CTDSPL: variants seen among roughly 807,000 people sequenced by gnomAD.
CTDSPL encodes CTD small phosphatase like.
Under a neutral mutation model 30.5 loss-of-function variants are expected in CTDSPL, and 8 were observed. That is an observed-to-expected ratio of 0.26 (90% CI 0.15 to 0.47). The LOEUF is 0.47. Among genes scored for constraint, CTDSPL ranks in the 20% least tolerant of loss-of-function variants. The probability of loss-of-function intolerance (pLI) is 0.99; values close to 1 mark genes in which losing one functional copy is unlikely to be tolerated. For synonymous variants in CTDSPL, 110 were observed against 137.9 expected (o/e 0.80, Z 1.42); for missense variants, 248 against 366.1 (o/e 0.68, Z 2.63).
intron 1 of CTDSPL, among the ~76,000 whole-genome samples, chr3:37,923,103 TA>T: frequency 6.6e-6 from 1 of 152,322 alleles, no homozygotes; most frequent in Middle Eastern, 3.4e-3. Context: ...AAGATCGTTC[TA>T]GGGGAGGAGA....
intron 2 of CTDSPL, among the ~76,000 whole-genome samples, chr3:37,949,840 G>C (rs1699087622): frequency 6.6e-6 from 1 of 152,234 alleles, no homozygotes; most frequent in Non-Finnish European, 1.5e-5. Flanking sequence ...AGCCTGGAAA[G>C]TGCATTAAGG....
At chr3:37,933,555 A>G (rs1242510367) in intron 1 of CTDSPL, among the ~76,000 whole-genome samples, 1 of 152,236 alleles carries the variant, frequency 6.6e-6, no homozygotes, top group African/African-American at 2.4e-5. Flanking sequence ...TCAGTAGGCA[A>G]TATAGTGCAG....
At chr3:37,946,909 A>G in intron 1 of CTDSPL, 148 bp from the exon 2 acceptor site, 1 of 726,362 alleles carries the variant, frequency 1.4e-6, no homozygotes, top group Non-Finnish European at 2.1e-6. Flanking sequence ...AGTAACTTCC[A>G]GGAGCCCCTC....
At chr3:37,888,411 G>C (rs1030813472) in intron 1 of CTDSPL, among the ~76,000 whole-genome samples, 1 of 152,108 alleles carries the variant, frequency 6.6e-6, no homozygotes, top group East Asian at 1.9e-4. Flanking sequence ...CCTGTATCAC[G>C]TTGCCAAGTT....
intron 1 of CTDSPL, among the ~76,000 whole-genome samples, chr3:37,879,697 C>G (rs2125591653): frequency 6.6e-6 from 1 of 152,266 alleles, no homozygotes; most frequent in Admixed American, 6.5e-5. Flanking sequence ...AGTGCTTGTG[C>G]AGGATGCAGC....
intron 1 of CTDSPL, among the ~76,000 whole-genome samples, chr3:37,896,596 G>A (rs1698393084): frequency 6.6e-6 from 1 of 151,944 alleles, no homozygotes; most frequent in African/African-American, 2.4e-5. Context: ...GAGTGCAGTG[G>A]TGTGATCACA....
At chr3:37,890,143 G>A (rs942682960) in intron 1 of CTDSPL, among the ~76,000 whole-genome samples, 2 of 152,184 alleles carry the variant, frequency 1.3e-5, no homozygotes, top group South Asian at 2.1e-4. Flanking sequence ...TGATATAACC[G>A]ACCATTTGGA....
intron 1 of CTDSPL, among the ~76,000 whole-genome samples, chr3:37,867,843 G>A (rs972400586): frequency 1.3e-5 from 2 of 152,144 alleles, no homozygotes; most frequent in African/African-American, 4.8e-5. Context: ...GTTTTTGCAT[G>A]AATTCATTTT....
chr3:37,975,642 T>C lies in CTDSPL; in HGVS notation c.520-67T>C. 1 of 1,373,416 alleles carries C rather than the reference T, an allele frequency of 7.3e-7. No homozygotes were observed. The highest frequency in any genetic ancestry group is 1.0e-6 in the Non-Finnish European group (1 of 1,003,888). 85.1% of individuals were successfully genotyped at this position (1,373,416 alleles called of 1,614,324 possible). On this transcript the variant is annotated intron_variant, in intron 6 of 7. Coordinates refer to ENST00000273179, the MANE Select transcript of CTDSPL (RefSeq NM_001008392.2). This position sits in a 1 kb window ranked among gnomAD's most constrained non-coding sequence, Gnocchi z 4.9. Reference sequence around the variant, plus strand: ...TTAAAAAACGTAATCTGGATCTTGCTGCTGTAGTTCAGGGTTTGGGGGGCT... The same window carrying C: ...TTAAAAAACGTAATCTGGATCTTGCCGCTGTAGTTCAGGGTTTGGGGGGCT...
In CTDSPL at chr3:37,975,706, C is replaced by A; in HGVS notation, c.520-3C>A. ...AGCCTTCATTGTGACACGTCTTTTC[C>A]AGTATGCAGACCCTGTGGCTGACCT... On this transcript the variant is annotated splice_polypyrimidine_tract_variant and splice_region_variant and intron_variant, in intron 6 of 7. Coordinates refer to ENST00000273179, the MANE Select transcript of CTDSPL (RefSeq NM_001008392.2). The surrounding 1 kb of genome is among the most constrained non-coding windows in gnomAD (Gnocchi z 4.9). 6.3e-7 allele frequency: 1 copy of A among 1,599,704 alleles called. No individual in the cohort carries two copies. Among genetic ancestry groups the A allele is most frequent in the Non-Finnish European group, 8.5e-7 (1 of 1,170,152 alleles).
chr3:37,910,484 AAC>A (rs1698570480), intron 1 of CTDSPL, among the ~76,000 whole-genome samples: 1 of 152,138 alleles, frequency 6.6e-6, no homozygotes, highest in Admixed American at 6.5e-5. Context: ...TCTATCTCAG[AAC>A]AACAACAACA....
chr3:37,931,839 C>A (rs1416488816), intron 1 of CTDSPL, among the ~76,000 whole-genome samples: 2 of 151,316 alleles, frequency 1.3e-5, no homozygotes, highest in African/African-American at 4.9e-5. Context: ...TATTTAACTG[C>A]TTTAAAAAAG....
At position 37,944,206 on chromosome 3, in the gene CTDSPL, A is replaced by G. The variant is rs1699010620; in HGVS notation, c.80-2851A>G. On this transcript the variant is annotated intron_variant, in intron 1 of 7. Coordinates refer to ENST00000273179, the MANE Select transcript of CTDSPL (RefSeq NM_001008392.2). Reference sequence around the variant, plus strand: ...AGAAAACATTTGGAAAATGTGGAAGAAATGTAAACACTTATGGTCTGACAA... The same window carrying G: ...AGAAAACATTTGGAAAATGTGGAAGGAATGTAAACACTTATGGTCTGACAA... Among the ~76,000 whole-genome samples, 3 of 150,442 alleles carry G rather than the reference A, an allele frequency of 2.0e-5. 1 individual carries two copies. Among genetic ancestry groups the G allele is most frequent in the Admixed American group, 1.3e-4 (2 of 14,990 alleles).
At chr3:37,930,466 A>G (rs1698840022) in intron 1 of CTDSPL, among the ~76,000 whole-genome samples, 1 of 151,876 alleles carries the variant, frequency 6.6e-6, no homozygotes, top group Non-Finnish European at 1.5e-5. Flanking sequence ...TATGATTATT[A>G]TTACTACTAC....
chr3:37,946,202 G>A (rs1699035292), intron 1 of CTDSPL, among the ~76,000 whole-genome samples: 1 of 152,232 alleles, frequency 6.6e-6, no homozygotes, highest in Non-Finnish European at 1.5e-5. Context: ...CTCCCCTGAG[G>A]GGTGTTTTTC....
Position 37,863,580 on chromosome 3 carries a change from C to T in CTDSPL, c.79+1302C>T, listed in dbSNP as rs1697971441. On this transcript the variant is annotated intron_variant, in intron 1 of 7. Coordinates refer to ENST00000273179, the MANE Select transcript of CTDSPL (RefSeq NM_001008392.2). ...TGAGGTCAGGTGCAGCCCACCAGGACCCCTGACCCCTCTCCAGGCCGGAGC... is the reference window on the plus strand; with the variant it reads ...TGAGGTCAGGTGCAGCCCACCAGGATCCCTGACCCCTCTCCAGGCCGGAGC... Among the ~76,000 whole-genome samples the T allele has an allele frequency of 2.6e-5, 4 of 152,332 alleles. No individual in the cohort carries two copies. The Middle Eastern group carries it at 0.01, about 389-fold the overall frequency.
At chr3:37,927,574 GT>G (rs1698794323) in intron 1 of CTDSPL, among the ~76,000 whole-genome samples, 1 of 151,278 alleles carries the variant, frequency 6.6e-6, no homozygotes, top group South Asian at 2.1e-4. Context: ...TCCGTCAGCA[GT>G]AATTGTGGCT....
chr3:37,866,237 A>G (rs1320101424), intron 1 of CTDSPL, among the ~76,000 whole-genome samples: 1 of 152,254 alleles, frequency 6.6e-6, no homozygotes, highest in Non-Finnish European at 1.5e-5. Flanking sequence ...AAATCTAAAC[A>G]TACAGATAGG....
intron 1 of CTDSPL, among the ~76,000 whole-genome samples, chr3:37,929,628 A>ATT (rs1367264170): frequency 6.6e-6 from 1 of 152,018 alleles, no homozygotes; most frequent in East Asian, 1.9e-4. Flanking sequence ...TTGCATGTTG[A>ATT]TTTTTGTCTT....
Sources: allele counts gnomAD v4.1 joint callset (sites outside exome capture counted in the v4.1 genomes callset), GRCh38; gene constraint gnomAD v4.1.1; non-coding constraint Gnocchi (gnomAD v3.1); transcripts MANE v1.5; gene names NCBI Gene and HGNC (gene_info 2026-07-23, HGNC 2026-07-21).